CDH18: variants seen among roughly 807,000 people sequenced by gnomAD.
CDH18 encodes the protein cadherin 18.
In CDH18, 31 loss-of-function variants were observed where a neutral mutation model predicts 67.9. The ratio of observed to expected loss-of-function variants is 0.46; its 90% CI spans 0.34 to 0.62. The LOEUF is 0.62. Ranked by LOEUF, CDH18 falls within the 20% of genes least tolerant of loss-of-function variation. The probability of loss-of-function intolerance (pLI) is 0.01; values close to 1 mark genes in which losing one functional copy is unlikely to be tolerated. For missense variants in CDH18, 890 were observed against 975.5 expected (o/e 0.91, Z 1.17); for synonymous variants, 362 against 347.2 (o/e 1.04, Z -0.48).
intron 2 of CDH18, among the ~76,000 whole-genome samples, chr5:20,151,621 T>A (rs1751109948): frequency 6.6e-6 from 1 of 152,152 alleles, no homozygotes; most frequent in Non-Finnish European, 1.5e-5. Flanking sequence ...ATAGTATTTC[T>A]TTTCTCTGCA....
intron 5 of CDH18, among the ~76,000 whole-genome samples, chr5:19,700,638 C>T (rs1008221474): frequency 2.2e-4 from 33 of 152,150 alleles, no homozygotes; most frequent in African/African-American, 7.7e-4. Context: ...GCTTCACAAA[C>T]TAAGAATGAC....
chr5:20,423,727 C>T (rs1384292349), intron 1 of CDH18, among the ~76,000 whole-genome samples: 1 of 150,320 alleles, frequency 6.7e-6, no homozygotes, highest in African/African-American at 2.5e-5. Flanking sequence ...GGGCAGATCA[C>T]GAGGTCAGAA....
chr5:20,236,942 T>C (rs970573311), intron 2 of CDH18, among the ~76,000 whole-genome samples: 2 of 151,896 alleles, frequency 1.3e-5, no homozygotes, highest in Admixed American at 1.3e-4. Context: ...TCAAATCCTA[T>C]AGCTCTTACA....
intron 1 of CDH18, chr5:20,304,689 T>A: frequency 5.0e-6 from 8 of 1,611,644 alleles, no homozygotes; most frequent in Non-Finnish European, 6.8e-6. Context: ...TCTTTTCAGA[T>A]GTCAGCTCCA....
intron 2 of CDH18, among the ~76,000 whole-genome samples, chr5:20,140,067 C>A (rs897229272): frequency 6.6e-6 from 1 of 152,106 alleles, no homozygotes. Context: ...TGGAACCAAC[C>A]CAAATGTCCA....
chr5:19,992,787 T>C (rs1800057361), upstream of CDH18, among the ~76,000 whole-genome samples: 1 of 152,164 alleles, frequency 6.6e-6, no homozygotes, highest in South Asian at 2.1e-4. Flanking sequence ...TACATCATCA[T>C]CATCGTAGCC....
intron 5 of CDH18, among the ~76,000 whole-genome samples, chr5:19,686,849 C>T (rs984856880): frequency 6.6e-6 from 1 of 151,952 alleles, no homozygotes; most frequent in African/African-American, 2.4e-5. Context: ...TTATTATATG[C>T]TAGTATTGAG....
At chr5:19,750,212 T>C (rs774016509) in intron 3 of CDH18, among the ~76,000 whole-genome samples, 1 of 152,042 alleles carries the variant, frequency 6.6e-6, no homozygotes, top group African/African-American at 2.4e-5. Flanking sequence ...CACTGTGAAA[T>C]AGCAAAGTGG....
At chr5:19,885,055 T>A (rs1788055567) in intron 2 of CDH18, among the ~76,000 whole-genome samples, 1 of 152,336 alleles carries the variant, frequency 6.6e-6, no homozygotes, top group South Asian at 2.1e-4. Context: ...CATACATTTA[T>A]CCCACCTCCT....
intron 2 of CDH18, among the ~76,000 whole-genome samples, chr5:20,198,202 T>C (rs1241592815): frequency 6.7e-6 from 1 of 150,158 alleles, no homozygotes; most frequent in Non-Finnish European, 1.5e-5. Context: ...AATGTGGAAG[T>C]GACTTTGGAA....
intron 5 of CDH18, among the ~76,000 whole-genome samples, chr5:19,643,732 T>A (rs1754352873): frequency 6.6e-6 from 1 of 152,102 alleles, no homozygotes; most frequent in South Asian, 2.1e-4. Flanking sequence ...GTCTTAGTTA[T>A]GCAAAATAAA....
At chr5:19,950,351 T>C (rs1467955849) in intron 2 of CDH18, among the ~76,000 whole-genome samples, 1 of 151,968 alleles carries the variant, frequency 6.6e-6, no homozygotes, top group East Asian at 1.9e-4. Flanking sequence ...AATGATATAA[T>C]GGACTTTAGG....
intron 2 of CDH18, among the ~76,000 whole-genome samples, chr5:19,888,304 A>G (rs1788442622): frequency 6.6e-6 from 1 of 152,124 alleles, no homozygotes; most frequent in African/African-American, 2.4e-5. Context: ...CCTATTTTGA[A>G]AGAATTCACA....
intron 6 of CDH18, among the ~76,000 whole-genome samples, chr5:19,595,429 G>A (rs1746016515): frequency 6.6e-6 from 1 of 152,158 alleles, no homozygotes; most frequent in African/African-American, 2.4e-5. Flanking sequence ...TTCGAGACTA[G>A]CCTGACCAAC....
At chr5:20,445,405 T>C (rs1243338825) in intron 1 of CDH18, among the ~76,000 whole-genome samples, 2 of 152,214 alleles carry the variant, frequency 1.3e-5, no homozygotes, top group South Asian at 2.1e-4. Flanking sequence ...TGAATAATTC[T>C]TGGTCATAAT....
intron 2 of CDH18, among the ~76,000 whole-genome samples, chr5:20,019,297 G>A (rs972834979): frequency 2.0e-5 from 3 of 152,148 alleles, no homozygotes; most frequent in African/African-American, 7.2e-5. Flanking sequence ...TGACATAGAA[G>A]AATGACTACT....
chr5:20,237,508 T>A (rs978370670), intron 2 of CDH18, among the ~76,000 whole-genome samples: 1 of 151,926 alleles, frequency 6.6e-6, no homozygotes, highest in African/African-American at 2.4e-5. Flanking sequence ...AGAAAATCCA[T>A]TTATTTTGTG....
intron 4 of CDH18, among the ~76,000 whole-genome samples, chr5:19,741,328 T>TCACACACA (rs1491498918): frequency 1.8e-4 from 7 of 38,224 alleles, no homozygotes; most frequent in African/African-American, 3.7e-4. Flanking sequence ...TATATACATG[T>TCACACACA]CTCACACACA....
Position 20,343,636 on chromosome 5 carries a change from A to C in CDH18, c.-579-88131T>G, listed in dbSNP as rs575142652. Among the ~76,000 whole-genome samples, 31 of 152,250 alleles carry C rather than the reference A, an allele frequency of 2.0e-4. 2 individuals carry two copies. In the South Asian group the frequency reaches 5.2e-3, roughly 26 times the overall value. On this transcript the variant is annotated intron_variant, in intron 1 of 14. Transcript: ENST00000507958. The stretch of plus-strand genomic sequence containing the variant: ...CACCCTGAATGACATTATTGAAAGC[A>C]CACCTCTCTCACTGGACACAAGTGC...
Sources: gnomAD v4.1 joint callset for allele counts (sites outside exome capture counted in the v4.1 genomes callset) on GRCh38, gnomAD v4.1.1 for gene constraint, MANE v1.5 for transcripts, NCBI Gene and HGNC (gene_info 2026-07-23, HGNC 2026-07-21) for gene names.